Variants in ABCC9 observed in about 807,000 individuals in gnomAD.
The protein encoded by ABCC9 is ATP binding cassette subfamily C member 9.
In ABCC9, 95 loss-of-function variants were observed where a neutral mutation model predicts 188.3. That is an observed-to-expected ratio of 0.50 (90% confidence interval 0.43 to 0.60). ABCC9 has a LOEUF of 0.60. Among genes scored for constraint, ABCC9 ranks in the 20% least tolerant of loss-of-function variants. The pLI is 0.00. For synonymous variants in ABCC9, 659 were observed against 652.7 expected (o/e 1.01, Z -0.15); for missense variants, 1,102 against 1,876.3 (o/e 0.59, Z 7.62).
intron 7 of ABCC9, among the ~76,000 whole-genome samples, chr12:21,913,412 C>T (rs1948411818): frequency 6.6e-6 from 1 of 152,114 alleles, no homozygotes; most frequent in Non-Finnish European, 1.5e-5. Context: ...ATATATTTGT[C>T]ATGCAAATTG....
At chr12:21,818,333 T>G in intron 31 of ABCC9, 82 bp from the exon 32 acceptor site, 2 of 1,023,314 alleles carry the variant, frequency 2.0e-6, no homozygotes, top group Non-Finnish European at 1.5e-6. Context: ...AGGTGATCAC[T>G]AAGAGAATAC....
At chr12:21,922,758 T>A (rs1330404293) in intron 5 of ABCC9, among the ~76,000 whole-genome samples, 1 of 149,074 alleles carries the variant, frequency 6.7e-6, no homozygotes, top group Non-Finnish European at 1.5e-5. Flanking sequence ...TTTCTTTTTT[T>A]TTTTTTTTTG....
intron 39 of ABCC9, chr12:21,805,181 T>C (rs1941746472): frequency 6.2e-7 from 1 of 1,614,012 alleles, no homozygotes; most frequent in Non-Finnish European, 8.5e-7. Context: ...GGTCTACTTG[T>C]TGGTCATCAC....
chr12:21,887,488 G>A (rs2137688018), intron 15 of ABCC9, among the ~76,000 whole-genome samples: 1 of 152,266 alleles, frequency 6.6e-6, no homozygotes, highest in Admixed American at 6.5e-5. Flanking sequence ...ACTATAAAGT[G>A]TAGTATAGCT....
At chr12:21,883,425 T>C (rs953353325) in intron 15 of ABCC9, among the ~76,000 whole-genome samples, 5 of 152,218 alleles carry the variant, frequency 3.3e-5, no homozygotes, top group Admixed American at 1.3e-4. Flanking sequence ...CCTGCCACCA[T>C]GTAAGATGTG....
chr12:21,856,862 G>A (rs1009226742), intron 22 of ABCC9, among the ~76,000 whole-genome samples: 1 of 152,164 alleles, frequency 6.6e-6, no homozygotes, highest in Non-Finnish European at 1.5e-5. Context: ...GAGAATCTTT[G>A]CTGATTACAT....
intron 36 of ABCC9, among the ~76,000 whole-genome samples, chr12:21,811,384 G>C (rs2137143861): frequency 6.6e-6 from 1 of 152,226 alleles, no homozygotes; most frequent in Admixed American, 6.6e-5. Flanking sequence ...ATGGACTTTG[G>C]AATCAGGCAA....
intron 31 of ABCC9, among the ~76,000 whole-genome samples, chr12:21,824,929 TTTTTGTTGATCTTTTTTGTTGATCTA>T (rs1355422378): frequency 1.8e-5 from 2 of 114,184 alleles, no homozygotes; most frequent in Non-Finnish European, 4.2e-5. Flanking sequence ...TTGTTGATCT[TTTTTGTTGATCTTTTTTGTTGATCTA>T]TTTTGTTGAT....
At chr12:21,910,053 G>T in intron 10 of ABCC9, 104 bp downstream of exon 10, 2 of 1,088,498 alleles carry the variant, frequency 1.8e-6, no homozygotes, top group Non-Finnish European at 2.8e-6. Flanking sequence ...TGTAATATTT[G>T]CACATTCAAA....
intron 28 of ABCC9, among the ~76,000 whole-genome samples, chr12:21,843,988 T>G (rs1323312660): frequency 6.6e-6 from 1 of 152,154 alleles, no homozygotes; most frequent in Non-Finnish European, 1.5e-5. Context: ...TCAAACAAAC[T>G]TTTAGATTCC....
chr12:21,919,371 A>G (rs1948719950), intron 5 of ABCC9, among the ~76,000 whole-genome samples: 2 of 152,030 alleles, frequency 1.3e-5, no homozygotes, highest in Admixed American at 1.3e-4. Flanking sequence ...ATACTTTAAA[A>G]GGAGAATCAG....
At position 21,912,853 on chromosome 12, in the gene ABCC9, A is replaced by G. The variant is rs759739736; in HGVS notation, c.1011+19T>C. On this transcript the variant is annotated intron_variant, in intron 8 of 39. Coordinates refer to ENST00000261200, the MANE Select transcript of ABCC9 (RefSeq NM_020297.4). ...ATCCATCAATAATATGTTTCCATTG[A>G]AAATCACCAGGAACTTACTCCAGTT... is the stretch of plus-strand genomic sequence containing the variant. The G allele has an allele frequency of 1.2e-6, 2 of 1,610,210 alleles. No homozygotes were observed. Among genetic ancestry groups the G allele is most frequent in the South Asian group, 2.2e-5 (2 of 90,958 alleles).
chr12:21,867,700 T>C (rs1235529191), intron 18 of ABCC9, among the ~76,000 whole-genome samples: 1 of 152,036 alleles, frequency 6.6e-6, no homozygotes, highest in Non-Finnish European at 1.5e-5. Context: ...TTTCCTCCAT[T>C]TGTCTGAAAA....
chr12:21,912,332 AAC>A lies in ABCC9; in HGVS notation c.1011+538_1011+539del, dbSNP rs537314408. Among the ~76,000 whole-genome samples, 538 of 152,162 alleles carry A rather than the reference AAC, an allele frequency of 3.5e-3. 2 individuals carry two copies. The highest frequency in any genetic ancestry group is 0.013 in the African/African-American group (522 of 41,566). On this transcript the variant is annotated intron_variant, in intron 8 of 39. Coordinates refer to ENST00000261200, the MANE Select transcript of ABCC9 (RefSeq NM_020297.4). ...TAAAAATTATATATTTATGATCATAAACACGCAGTATTTTAACTATATAGCCC... is the reference window on the plus strand; with the variant it reads ...TAAAAATTATATATTTATGATCATAAACGCAGTATTTTAACTATATAGCCC...
At position 21,902,154 on chromosome 12, in the gene ABCC9, C is replaced by T. The variant is rs370554583; in HGVS notation, c.1618+3972G>A. Among the ~76,000 whole-genome samples the T allele has an allele frequency of 1.4e-3, 208 of 152,258 alleles. 4 individuals are homozygous for T. Among genetic ancestry groups the T allele is most frequent in the Admixed American group, 1.2e-3 (18 of 15,280 alleles). On this transcript the variant is annotated intron_variant, in intron 12 of 39. Transcript: ENST00000261200. ...CAGGATTAAGAAACTCACTCAAAAC[C>T]GCTCAACTACATGGAAACTGAACAA... is the stretch of plus-strand genomic sequence containing the variant.
chr12:21,856,326 C>A (rs1289869609), intron 22 of ABCC9, among the ~76,000 whole-genome samples: 6 of 151,940 alleles, frequency 3.9e-5, no homozygotes. Context: ...ATGGTCAATT[C>A]TTTGTTTACA....
At chr12:21,879,305 G>T (rs1005865780) in intron 16 of ABCC9, among the ~76,000 whole-genome samples, 2 of 152,148 alleles carry the variant, frequency 1.3e-5, no homozygotes, top group African/African-American at 4.8e-5. Context: ...TGATAGGAAG[G>T]AGTATCAGGC....
At chr12:21,811,302 T>TTC (rs1408657383) in intron 36 of ABCC9, among the ~76,000 whole-genome samples, 1 of 152,202 alleles carries the variant, frequency 6.6e-6, no homozygotes, top group East Asian at 1.9e-4. Flanking sequence ...TTAAACCTCT[T>TTC]TCTTTTATAA....
intron 39 of ABCC9, among the ~76,000 whole-genome samples, chr12:21,803,351 G>GA (rs980692454): frequency 2.6e-5 from 4 of 151,626 alleles, no homozygotes; most frequent in South Asian, 4.2e-4. Context: ...ATATTTACTA[G>GA]AAAAAAATAA....
Sources: allele counts gnomAD v4.1 joint callset (sites outside exome capture counted in the v4.1 genomes callset), GRCh38; gene constraint gnomAD v4.1.1; transcripts MANE v1.5; gene names NCBI Gene and HGNC (gene_info 2026-07-23, HGNC 2026-07-21).